The following PNKD variants were observed in gnomAD, a reference collection of about 807,000 sequenced individuals.
PNKD encodes probable thioesterase PNKD.
Under a neutral mutation model 45.3 loss-of-function variants are expected in PNKD, and 36 were observed. That is an observed-to-expected ratio of 0.80 (90% CI 0.61 to 1.05). The LOEUF is 1.05. Ranked by LOEUF, PNKD falls within the 50% of genes least tolerant of loss-of-function variation. PNKD has a pLI of 0.00. For synonymous variants in PNKD, 197 were observed against 210.1 expected, an observed-to-expected ratio of 0.94 and a Z score of 0.54; for missense variants, 511 against 506.6, an observed-to-expected ratio of 1.01 and a Z score of -0.08.
chr2:218,292,627 G>A (rs896652358), intron 2 of PNKD: 1 of 152,002 alleles, frequency 6.6e-6, no homozygotes, highest in East Asian at 1.9e-4. Context: ...GTCTGTCCCG[G>A]GCGCGCGCGC....
At chr2:218,271,637 C>A in intron 2 of PNKD, 88 bp downstream of exon 2, 1 of 1,167,898 alleles carries the variant, frequency 8.6e-7, no homozygotes, top group Non-Finnish European at 1.2e-6. Context: ...TTTCAGGTGG[C>A]GAGCTGAATC....
intron 2 of PNKD, chr2:218,277,773 C>A (rs1691386108): frequency 6.4e-7 from 1 of 1,556,440 alleles, no homozygotes; most frequent in Non-Finnish European, 8.8e-7. Context: ...GGGAACGCCA[C>A]CAAGTTGGAA....
intron 2 of PNKD, chr2:218,272,794 G>A (rs1439195896): frequency 5.6e-6 from 9 of 1,613,890 alleles, no homozygotes; most frequent in Middle Eastern, 1.7e-4. Flanking sequence ...GCTATTGACT[G>A]TTAAGTCCTC....
chr2:218,299,401 C>G (rs1438123649), intron 2 of PNKD, among the ~76,000 whole-genome samples: 1 of 152,162 alleles, frequency 6.6e-6, no homozygotes, highest in Non-Finnish European at 1.5e-5. Context: ...CTCAGCCTCC[C>G]AGAGTGCTGG....
At chr2:218,332,257 G>A (rs766543949) in intron 2 of PNKD, among the ~76,000 whole-genome samples, 7 of 152,220 alleles carry the variant, frequency 4.6e-5, no homozygotes, top group Admixed American at 3.9e-4. Flanking sequence ...GTTCTCACAG[G>A]TGAGGCTGCG....
At chr2:218,318,071 G>A (rs912614441) in intron 2 of PNKD, 2 of 152,348 alleles carry the variant, frequency 1.3e-5, no homozygotes, top group Non-Finnish European at 2.9e-5. Flanking sequence ...CAGTCATCAA[G>A]CGTGAGCCAC....
chr2:218,277,530 G>C (rs1401271471), intron 2 of PNKD: 1 of 1,605,604 alleles, frequency 6.2e-7, no homozygotes, highest in African/African-American at 1.3e-5. Context: ...CTTCCAGAGG[G>C]GACCTGCCCA....
At chr2:218,279,353 C>A (rs201270378) in intron 2 of PNKD, 2 of 1,571,486 alleles carry the variant, frequency 1.3e-6, no homozygotes, top group South Asian at 2.4e-5. Context: ...ATGGAGTAAA[C>A]CTGGACACAG....
chr2:218,275,650 A>G, intron 2 of PNKD: 1 of 1,598,456 alleles, frequency 6.3e-7, no homozygotes, highest in Non-Finnish European at 8.5e-7. Flanking sequence ...CAGAAGTGAG[A>G]ACTCAGGCAT....
At chr2:218,281,804 G>C in intron 2 of PNKD, 1 of 788,614 alleles carries the variant, frequency 1.3e-6, no homozygotes. Context: ...CAGAAACAGA[G>C]GGAGAGATCT....
chr2:218,343,650 C>G, intron 8 of PNKD, 64 bp downstream of exon 8: 1 of 1,218,224 alleles, frequency 8.2e-7, no homozygotes, highest in Non-Finnish European at 1.2e-6. Flanking sequence ...CAAGGGCCTT[C>G]CCACCCCCTC....
At chr2:218,276,894 TG>T in intron 2 of PNKD, 1 of 844,868 alleles carries the variant, frequency 1.2e-6, no homozygotes, top group Non-Finnish European at 2.0e-6. Context: ...CGAGAGGTTC[TG>T]GAGGTCAGAG....
chr2:218,292,241 A>C (rs1017011035), intron 2 of PNKD, among the ~76,000 whole-genome samples: 2 of 152,204 alleles, frequency 1.3e-5, no homozygotes, highest in Admixed American at 1.3e-4. Flanking sequence ...AAGGCTAACC[A>C]GGTGCCACAG....
At chr2:218,273,521 C>G (rs1690948358) in intron 2 of PNKD, among the ~76,000 whole-genome samples, 1 of 143,360 alleles carries the variant, frequency 7.0e-6, no homozygotes, top group Admixed American at 7.3e-5. Flanking sequence ...ACTCTTGTTG[C>G]CCAGGCTGGA....
chr2:218,309,698 G>A (rs1249217830), intron 2 of PNKD, among the ~76,000 whole-genome samples: 5 of 151,952 alleles, frequency 3.3e-5, no homozygotes, highest in African/African-American at 1.2e-4. Flanking sequence ...TTGGGAGGCC[G>A]AGGTGGGAGG....
chr2:218,288,481 T>C (rs1183480752), intron 2 of PNKD, among the ~76,000 whole-genome samples: 9 of 152,174 alleles, frequency 5.9e-5, no homozygotes, highest in African/African-American at 1.4e-4. Flanking sequence ...CTTAGAGTAG[T>C]TGAACCACTT....
At chr2:218,331,659 G>T (rs951235639) in intron 2 of PNKD, among the ~76,000 whole-genome samples, 25 of 151,980 alleles carry the variant, frequency 1.6e-4, no homozygotes, top group Admixed American at 1.4e-3. Context: ...GTAGAGACGG[G>T]GTTTCACCAT....
At chr2:218,274,587 C>T (rs2271542) in intron 2 of PNKD, 1,651 of 155,424 alleles carry the variant, frequency 0.011, 67 homozygotes, top group Admixed American at 0.078. Flanking sequence ...CTGCCCGCAC[C>T]GAGTCTCTCT....
Position 218,279,346 on chromosome 2 carries a change from G to A in PNKD, c.236+7797G>A, listed in dbSNP as rs530600930. The A allele has an allele frequency of 5.1e-6, 8 of 1,578,990 alleles. 1 individual carries two copies. Among genetic ancestry groups the A allele is most frequent in the South Asian group, 2.3e-5 (2 of 85,658 alleles). ...GATGAGCAGCTGCACGGAGATGATG[G>A]AGTAAACCTGGACACAGACGGCCGG... On this transcript the variant is annotated intron_variant, in intron 2 of 9. Transcript: ENST00000273077.
Sources: allele counts gnomAD v4.1 joint callset (sites outside exome capture counted in the v4.1 genomes callset), GRCh38; gene constraint gnomAD v4.1.1; transcripts MANE v1.5; gene names NCBI Gene and HGNC (gene_info 2026-07-23, HGNC 2026-07-21).